The following RBM47 variants were observed in gnomAD, a reference collection of about 807,000 sequenced individuals.
RBM47 encodes RNA-binding protein 47.
In RBM47, 21 loss-of-function variants were observed where a neutral mutation model predicts 47.1. The observed-to-expected ratio is 0.45, with a 90% confidence interval of 0.32 to 0.64. RBM47 has a LOEUF of 0.64. Ranked by LOEUF, RBM47 falls within the 30% of genes least tolerant of loss-of-function variation. The pLI, the probability that RBM47 is intolerant of heterozygous loss-of-function variation, is 0.05. For synonymous variants in RBM47, 375 were observed against 361.7 expected (o/e 1.04, Z -0.42); for missense variants, 708 against 870.9 (o/e 0.81, Z 2.35).
intron 3 of RBM47, among the ~76,000 whole-genome samples, chr4:40,444,730 T>C (rs1218920464): frequency 6.6e-6 from 1 of 151,778 alleles, no homozygotes; most frequent in African/African-American, 2.4e-5. Context: ...AGTGGTATGA[T>C]CTTGGCTCAC....
intron 2 of RBM47, among the ~76,000 whole-genome samples, chr4:40,496,472 GA>G (rs923930593): frequency 2.4e-4 from 36 of 149,130 alleles, no homozygotes; most frequent in Admixed American, 3.4e-4. Context: ...GCCAAGGCTG[GA>G]AAAAAAAAAT....
chr4:40,459,351 A>T (rs1716750902), intron 3 of RBM47, among the ~76,000 whole-genome samples: 1 of 152,230 alleles, frequency 6.6e-6, no homozygotes, highest in African/African-American at 2.4e-5. Flanking sequence ...GTTTCCTTTT[A>T]TAACTAACAT....
intron 2 of RBM47, among the ~76,000 whole-genome samples, chr4:40,525,209 G>T (rs1413726041): frequency 2.0e-5 from 3 of 152,166 alleles, no homozygotes; most frequent in Non-Finnish European, 4.4e-5. Flanking sequence ...AGGCCAAGGT[G>T]CGCAGATTGC....
intron 1 of RBM47, among the ~76,000 whole-genome samples, chr4:40,588,992 C>CTTTTT (rs34195998): frequency 2.5e-5 from 2 of 79,446 alleles, no homozygotes; most frequent in Non-Finnish European, 4.9e-5. Flanking sequence ...TAAAGCGTTT[C>CTTTTT]TTTTTTTTTT....
intron 2 of RBM47, among the ~76,000 whole-genome samples, chr4:40,474,476 G>A (rs557634235): frequency 2.6e-5 from 4 of 152,230 alleles, no homozygotes; most frequent in African/African-American, 9.6e-5. Flanking sequence ...ACAATTTCAG[G>A]ATGCAAGTCT....
chr4:40,581,969 C>G (rs993714605), intron 1 of RBM47, among the ~76,000 whole-genome samples: 1 of 152,044 alleles, frequency 6.6e-6, no homozygotes, highest in Non-Finnish European at 1.5e-5. Context: ...CTGCACCCAT[C>G]TTAGCAAGTG....
intron 1 of RBM47, among the ~76,000 whole-genome samples, chr4:40,623,955 GA>G (rs1189716144): frequency 6.6e-6 from 1 of 152,080 alleles, no homozygotes; most frequent in Admixed American, 6.6e-5. Flanking sequence ...GATCTCAAGG[GA>G]TCCTCCCACC....
chr4:40,469,535 G>A (rs1718541304), intron 2 of RBM47, among the ~76,000 whole-genome samples: 3 of 151,238 alleles, frequency 2.0e-5, no homozygotes, highest in Admixed American at 1.3e-4. Flanking sequence ...CTGGGTTCAA[G>A]CGATTCTCCT....
intron 2 of RBM47, among the ~76,000 whole-genome samples, chr4:40,514,120 C>A (rs1725286411): frequency 6.6e-6 from 1 of 152,202 alleles, no homozygotes; most frequent in Middle Eastern, 3.4e-3. Context: ...ACCAGAACCA[C>A]CATTTAGCAA....
chr4:40,526,905 G>C (rs1726778106), intron 2 of RBM47, among the ~76,000 whole-genome samples: 1 of 145,854 alleles, frequency 6.9e-6, no homozygotes, highest in Non-Finnish European at 1.5e-5. Flanking sequence ...CTGACTTAGA[G>C]CAATGGAAAA....
chr4:40,490,005 C>T (rs1209658130), intron 2 of RBM47, among the ~76,000 whole-genome samples: 2 of 152,166 alleles, frequency 1.3e-5, no homozygotes, highest in Non-Finnish European at 2.9e-5. Context: ...CAGTGCAATA[C>T]ACCATATCAA....
chr4:40,608,411 C>T (rs191922042), intron 1 of RBM47, among the ~76,000 whole-genome samples: 21 of 152,282 alleles, frequency 1.4e-4, no homozygotes, highest in Admixed American at 1.4e-3. Flanking sequence ...ATATAATAAG[C>T]AGAGCATTAT....
At chr4:40,437,490 C>T (rs1712825623) in intron 4 of RBM47, among the ~76,000 whole-genome samples, 1 of 152,120 alleles carries the variant, frequency 6.6e-6, no homozygotes, top group Admixed American at 6.5e-5. Context: ...GGTGGACTAG[C>T]CCCTAACCCG....
At chr4:40,587,510 T>G (rs1010719920) in intron 1 of RBM47, among the ~76,000 whole-genome samples, 16 of 152,180 alleles carry the variant, frequency 1.1e-4, no homozygotes, top group African/African-American at 3.9e-4. Flanking sequence ...GAAGACATAA[T>G]AAGTGGAACT....
At position 40,445,273 on chromosome 4, in the gene RBM47, C is replaced by CA. The variant is rs35418476; in HGVS notation, c.-31-6350dup. 2.3e-3 allele frequency among the ~76,000 whole-genome samples: 248 copies of CA among 106,524 alleles called. 4 individuals carry two copies. Among genetic ancestry groups the CA allele is most frequent in the African/African-American group, 5.6e-3 (158 of 28,388 alleles). 69.9% of individuals were successfully genotyped at this position (106,524 alleles called of 152,430 possible). A position where few individuals can be genotyped will look rare whatever the true frequency, so the allele number is the denominator to read the frequency against. On this transcript the variant is annotated intron_variant, in intron 3 of 6. Coordinates refer to ENST00000295971, the MANE Select transcript of RBM47 (RefSeq NM_001098634.2). ...TGGGCGACAGAGCGAGACTCCGTCT[C>CA]AAAAAAAAAAAAAAAAAAAGACAGT...
At chr4:40,560,270 T>C (rs1330783797) in intron 1 of RBM47, among the ~76,000 whole-genome samples, 1 of 152,204 alleles carries the variant, frequency 6.6e-6, no homozygotes, top group Non-Finnish European at 1.5e-5. Flanking sequence ...ATGCTTTCTG[T>C]GCTGCCTAAG....
rs182181781 is a variant in RBM47, at chr4:40,464,011, C to T, written c.-32+2566G>A. Among the ~76,000 whole-genome samples, 28 of 152,076 alleles carry T rather than the reference C, an allele frequency of 1.8e-4. 1 individual carries two copies. The highest frequency in any genetic ancestry group is 1.7e-3 in the Admixed American group (26 of 15,280). ...GTCAATTCTCATTAGCCCAATGATT[C>T]CATTTATAGACATGTATAATCAAAT... is the stretch of plus-strand genomic sequence containing the variant. On this transcript the variant is annotated intron_variant, in intron 3 of 6. Transcript: ENST00000295971.
At chr4:40,444,796 C>G (rs184053551) in intron 3 of RBM47, among the ~76,000 whole-genome samples, 7 of 151,830 alleles carry the variant, frequency 4.6e-5, no homozygotes, top group Non-Finnish European at 7.4e-5. Flanking sequence ...TCCTGAGTAG[C>G]TGGTATTACA....
intron 2 of RBM47, among the ~76,000 whole-genome samples, chr4:40,521,400 C>T (rs534164189): frequency 9.9e-5 from 15 of 152,150 alleles, no homozygotes; most frequent in African/African-American, 3.6e-4. Context: ...GGGGTTTCAC[C>T]ATGTTGGCCA....
Sources: allele counts gnomAD v4.1 joint callset (sites outside exome capture counted in the v4.1 genomes callset), GRCh38; gene constraint gnomAD v4.1.1; transcripts MANE v1.5; gene names NCBI Gene and HGNC (gene_info 2026-07-23, HGNC 2026-07-21).